The following NDUFS2 variants were observed in gnomAD, a reference collection of about 807,000 sequenced individuals.
The protein encoded by NDUFS2 is NADH dehydrogenase [ubiquinone] iron-sulfur protein 2, mitochondrial.
A neutral mutation model predicts 69.6 loss-of-function variants in NDUFS2; 38 were observed. The observed-to-expected ratio is 0.55, with a 90% confidence interval of 0.42 to 0.72. The LOEUF is 0.72. NDUFS2 is among the 30% of genes least tolerant of loss of function. The pLI, the probability that NDUFS2 is intolerant of heterozygous loss-of-function variation, is 0.00. For synonymous variants in NDUFS2, 194 were observed against 211.2 expected (o/e 0.92, Z 0.70); for missense variants, 468 against 595.0 (o/e 0.79, Z 2.22).
chr1:161,202,163 C>T (rs74124661), upstream of NDUFS2: 1 of 600,012 alleles, frequency 1.7e-6, no homozygotes, highest in Non-Finnish European at 3.0e-6. Context: ...CAGCCAGGAG[C>T]TGTGGGAGGA....
upstream of NDUFS2, chr1:161,198,115 G>A (rs1316829559): frequency 6.2e-7 from 1 of 1,613,882 alleles, no homozygotes; most frequent in Non-Finnish European, 8.5e-7. This position sits in a 1 kb window ranked among gnomAD's most constrained non-coding sequence, Gnocchi z 4.7. Context: ...CCCCAGCAGA[G>A]TTAGGGGTGC....
At chr1:161,202,337 G>A, upstream of NDUFS2, 1 of 1,559,690 alleles carries the variant, frequency 6.4e-7, no homozygotes, top group Non-Finnish European at 8.7e-7. Flanking sequence ...AGGCGCGCTG[G>A]AGTTACTTCC....
intron 4 of NDUFS2, 38 bp from the exon 5 acceptor site, chr1:161,209,445 C>T (rs752910249): frequency 1.2e-6 from 2 of 1,610,462 alleles, no homozygotes; most frequent in South Asian, 1.1e-5. Flanking sequence ...CGCCTCAGTG[C>T]TTGGCTCCTA....
chr1:161,202,006 C>T (rs1035826140), upstream of NDUFS2: 55 of 377,236 alleles, frequency 1.5e-4, no homozygotes, highest in African/African-American at 1.0e-3. Flanking sequence ...GAGAGCAGGA[C>T]TAAAGCATGA....
At chr1:161,211,954 C>T (rs74654056) in intron 9 of NDUFS2, among the ~76,000 whole-genome samples, 1,671 of 152,114 alleles carry the variant, frequency 0.011, 26 homozygotes, top group South Asian at 0.049. Flanking sequence ...GTGGCTCATG[C>T]CTATAATCCT....
At chr1:161,200,576 G>A (rs1665070525), upstream of NDUFS2, among the ~76,000 whole-genome samples, 1 of 151,646 alleles carries the variant, frequency 6.6e-6, no homozygotes, top group East Asian at 1.9e-4. Context: ...CTCCCTTCCT[G>A]CTCAGGTCGG....
chr1:161,209,324 C>T lies in NDUFS2; in HGVS notation c.514+11C>T, dbSNP rs76309459. 7.2e-3 allele frequency: 11,660 copies of T among 1,614,140 alleles called. 67 individuals are homozygous for T. The highest frequency in any genetic ancestry group is 7.6e-3 in the Non-Finnish European group (8,925 of 1,180,028). ...CACAGTGGATCCGAGGTATGTCCCC[C>T]CAACTTTTTCTGTGGCCCACTGTGA... is the stretch of plus-strand genomic sequence containing the variant. On this transcript the variant is annotated intron_variant, in intron 4 of 13. Coordinates refer to ENST00000676972, the MANE Select transcript of NDUFS2 (RefSeq NM_001377299.1).
upstream of NDUFS2, chr1:161,202,253 G>C: frequency 1.2e-6 from 1 of 850,430 alleles, no homozygotes; most frequent in South Asian, 1.4e-5. Context: ...GATGTTGTCA[G>C]TTCGACGGTA....
chr1:161,206,805 G>C (rs1456243798), intron 3 of NDUFS2, among the ~76,000 whole-genome samples: 1 of 152,214 alleles, frequency 6.6e-6, no homozygotes, highest in African/African-American at 2.4e-5. Context: ...GTGCTTTGAA[G>C]CTGGAGCTAT....
chr1:161,200,035 C>G (rs952985806), upstream of NDUFS2, among the ~76,000 whole-genome samples: 2 of 152,100 alleles, frequency 1.3e-5, no homozygotes, highest in Non-Finnish European at 2.9e-5. Context: ...GACTTGCTCT[C>G]AGGAACCCAG....
At chr1:161,198,459 G>A (rs1253306239), upstream of NDUFS2, 18 of 1,572,568 alleles carry the variant, frequency 1.1e-5, no homozygotes, top group South Asian at 5.8e-5. This position sits in a 1 kb window ranked among gnomAD's most constrained non-coding sequence, Gnocchi z 4.7. Flanking sequence ...TCCTCCTCCC[G>A]GGGGAGGGGG....
Position 161,212,494 on chromosome 1 carries a change from A to T in NDUFS2, c.1116+14A>T. On this transcript the variant is annotated intron_variant, in intron 10 of 13. Coordinates refer to ENST00000676972, the MANE Select transcript of NDUFS2 (RefSeq NM_001377299.1). ...GCAGAGATGAAGGTTGGCTGCAGGG[A>T]GGGGGAAAGTGTGGGGTGTTGGAAA... is the stretch of plus-strand genomic sequence containing the variant. The T allele has an allele frequency of 1.2e-6, 2 of 1,607,082 alleles. No homozygotes were observed. Among genetic ancestry groups the T allele is most frequent in the Admixed American group, 1.7e-5 (1 of 59,852 alleles).
chr1:161,198,473 G>C, upstream of NDUFS2: 1 of 1,569,148 alleles, frequency 6.4e-7, no homozygotes, highest in Non-Finnish European at 8.6e-7. This position sits in a 1 kb window ranked among gnomAD's most constrained non-coding sequence, Gnocchi z 4.7. Context: ...GAGGGGGCTG[G>C]CCAGCCGGGC....
rs755330962 is a variant in NDUFS2 at position 161,210,339 on chromosome 1, A to C, written c.816A>C (p.Thr272=). The change falls in exon 8 of 14, where the codon ACA becomes ACC. Residue 272 remains threonine, a synonymous_variant. Coordinates refer to ENST00000676972, the MANE Select transcript of NDUFS2 (RefSeq NM_001377299.1). ...LTNNRIWRNR[T]IDIGVVTAEE... is the part of the protein sequence containing the mutation. ...ACAATAGGATCTGGCGAAATCGGACAATTGACATTGGGGTTGTAACAGCAG... is the reference window on the plus strand; with the variant it reads ...ACAATAGGATCTGGCGAAATCGGACCATTGACATTGGGGTTGTAACAGCAG... The C allele has an allele frequency of 6.2e-7, 1 of 1,614,056 alleles. No individual in the cohort carries two copies.
Position 161,210,208 on chromosome 1 carries a change from GA to G in NDUFS2, c.780+25del, listed in dbSNP as rs1459008053. On this transcript the variant is annotated intron_variant, in intron 7 of 13. Coordinates refer to ENST00000676972, the MANE Select transcript of NDUFS2 (RefSeq NM_001377299.1). Reference sequence around the variant, plus strand: ...GAGGAGGTAAGCTAGGAGTCAATGGGAAAAATCTCTCCCCCACAAGAAGGGC... The same window carrying G: ...GAGGAGGTAAGCTAGGAGTCAATGGGAAAATCTCTCCCCCACAAGAAGGGC... 14 of 1,613,446 alleles carry G rather than the reference GA, an allele frequency of 8.7e-6. No homozygotes were observed. Among genetic ancestry groups the G allele is most frequent in the Non-Finnish European group, 1.2e-5 (14 of 1,179,444 alleles).
At chr1:161,211,768 A>G (rs140792416) in intron 9 of NDUFS2, among the ~76,000 whole-genome samples, 435 of 152,222 alleles carry the variant, frequency 2.9e-3, no homozygotes, top group African/African-American at 9.6e-3. Context: ...TGAACCTGGT[A>G]GCTACTGCTG....
chr1:161,206,440 A>T lies in NDUFS2; in HGVS notation c.236A>T (p.Asn79Ile). The change falls in exon 3 of 14, where the codon AAC (asparagine) becomes ATC (isoleucine). Residue 79 changes from asparagine to isoleucine, a missense_variant. By Grantham distance (149) the Asn-to-Ile change is moderately radical. Around this residue, in one of 3 missense-constraint regions of NDUFS2, gnomAD observed 339 missense variants for 433.8 expected, o/e 0.78. Coordinates refer to ENST00000676972, the MANE Select transcript of NDUFS2 (RefSeq NM_001377299.1). Reference sequence around the variant, plus strand: ...CCTCCAAAGGACACAATTGTGAAGAACATTACCCTGAACTTTGGGCCCCAA... The same window carrying T: ...CCTCCAAAGGACACAATTGTGAAGATCATTACCCTGAACTTTGGGCCCCAA... Reference protein sequence around the residue: ...VDPPKDTIVKNITLNFGPQHP... With the variant: ...VDPPKDTIVKIITLNFGPQHP... 6.2e-7 allele frequency: 1 copy of T among 1,614,268 alleles called. No homozygotes were observed. Among genetic ancestry groups the T allele is most frequent in the Non-Finnish European group, 8.5e-7 (1 of 1,180,050 alleles).
intron 9 of NDUFS2, among the ~76,000 whole-genome samples, chr1:161,211,984 G>A (rs978567550): frequency 1.3e-5 from 2 of 152,108 alleles, no homozygotes; most frequent in Non-Finnish European, 2.9e-5. Context: ...GGAGACCAAA[G>A]CAGGCAGTCG....
At chr1:161,201,327 G>A (rs145863812), upstream of NDUFS2, among the ~76,000 whole-genome samples, 750 of 152,306 alleles carry the variant, frequency 4.9e-3, 2 homozygotes, top group African/African-American at 0.017. Context: ...ACCCTGCTGC[G>A]CTGCTGGTGG....
Sources: gnomAD v4.1 joint callset for allele counts (sites outside exome capture counted in the v4.1 genomes callset) on GRCh38, gnomAD v4.1.1 for gene constraint, gnomAD v4.1.1 regional missense constraint, Gnocchi (gnomAD v3.1) non-coding constraint, MANE v1.5 for transcripts, NCBI Gene and HGNC (gene_info 2026-07-23, HGNC 2026-07-21) for gene names.